GOLT1B: variants seen among roughly 807,000 people sequenced by gnomAD.
GOLT1B encodes the protein vesicle transport protein GOT1B.
A neutral mutation model predicts 15.4 loss-of-function variants in GOLT1B; 3 were observed. That is an observed-to-expected ratio of 0.19 (90% CI 0.09 to 0.50). The LOEUF (loss-of-function observed/expected upper bound fraction) is 0.50. Ranked by LOEUF, GOLT1B falls within the 20% of genes least tolerant of loss-of-function variation. The pLI, the probability that GOLT1B is intolerant of heterozygous loss-of-function variation, is 0.97. For missense variants in GOLT1B, 145 were observed against 160.4 expected (o/e 0.90, Z 0.52); for synonymous variants, 65 against 56.2 (o/e 1.16, Z -0.70).
At position 21,516,814 on chromosome 12, in the gene GOLT1B, C is replaced by T. The variant is rs1298649622; in HGVS notation, c.*1107C>T. The T allele has an allele frequency of 1.3e-5, 2 of 151,988 alleles. No individual in the cohort carries two copies. The highest frequency in any genetic ancestry group is 4.8e-5 in the African/African-American group (2 of 41,400). The allele number at this position is 151,988 out of a possible 1,614,324, so 9.4% of individuals were successfully genotyped here. A position where few individuals can be genotyped will look rare whatever the true frequency, so the allele number is the denominator to read the frequency against. On this transcript the variant is annotated 3_prime_UTR_variant, in exon 5 of 5. Coordinates refer to ENST00000229314, the MANE Select transcript of GOLT1B (RefSeq NM_016072.5). ...AAGCATGACATATCCTTCATATGAT[C>T]ACTCATCTTGAGTTAATTAGAAAAT...
At position 21,512,215 on chromosome 12, in the gene GOLT1B, C is replaced by CT; in HGVS notation, c.297-77dup. 3.9e-6 allele frequency: 3 copies of CT among 770,362 alleles called. No individual in the cohort carries two copies. In the South Asian group the frequency reaches 4.6e-5, roughly 12 times the overall value. 47.7% of individuals were successfully genotyped at this position (770,362 alleles called of 1,614,324 possible). ...AATTATTCAGAATTTTAACAGGATACTTTCTTTTTCCTTGGTTAGCAATTA... is the reference window on the plus strand; with the variant it reads ...AATTATTCAGAATTTTAACAGGATACTTTTCTTTTTCCTTGGTTAGCAATTA... On this transcript the variant is annotated intron_variant, in intron 3 of 4. Transcript: ENST00000229314.
intron 4 of GOLT1B, among the ~76,000 whole-genome samples, chr12:21,513,927 C>T (rs539243171): frequency 6.6e-6 from 1 of 152,142 alleles, no homozygotes; most frequent in Admixed American, 6.5e-5. Flanking sequence ...TAATATCTGC[C>T]GTATAATGGA....
At chr12:21,502,837 A>G (rs1043190452) in intron 1 of GOLT1B, among the ~76,000 whole-genome samples, 8 of 152,112 alleles carry the variant, frequency 5.3e-5, no homozygotes, top group Admixed American at 4.6e-4. Flanking sequence ...ACTTTGCTTT[A>G]TCTGCCACGC....
At chr12:21,514,152 T>C (rs1208264248) in intron 4 of GOLT1B, among the ~76,000 whole-genome samples, 1 of 152,208 alleles carries the variant, frequency 6.6e-6, no homozygotes, top group Non-Finnish European at 1.5e-5. Context: ...GTCAGACCCA[T>C]ATCAGAAGTA....
chr12:21,513,880 G>A (rs1482225918), intron 4 of GOLT1B, among the ~76,000 whole-genome samples: 1 of 152,232 alleles, frequency 6.6e-6, no homozygotes, highest in Non-Finnish European at 1.5e-5. Context: ...GAGACAGGTT[G>A]TATTTTAGTC....
chr12:21,503,909 A>G (rs1183067684), intron 1 of GOLT1B, among the ~76,000 whole-genome samples: 1 of 152,188 alleles, frequency 6.6e-6, no homozygotes, highest in African/African-American at 2.4e-5. Context: ...GGGGCGGAGG[A>G]GGGGCATGCT....
chr12:21,503,076 T>C (rs1316805403), intron 1 of GOLT1B, among the ~76,000 whole-genome samples: 2 of 152,232 alleles, frequency 1.3e-5, no homozygotes, highest in Non-Finnish European at 2.9e-5. Context: ...GGGCTGCCTC[T>C]TGGGGCCACC....
At chr12:21,502,687 T>C (rs551272120) in intron 1 of GOLT1B, among the ~76,000 whole-genome samples, 37 of 152,294 alleles carry the variant, frequency 2.4e-4, no homozygotes, top group Admixed American at 7.8e-4. Flanking sequence ...AAAGCTAGCA[T>C]TGATATCGGT....
rs1943762324 is a variant in GOLT1B, at chr12:21,517,179, T to G, written c.*1472T>G. ...GATTACAGCTTATTTTATTTTTAGT[T>G]AAATCTCTTAATACACAGAGAACTC... is the stretch of plus-strand genomic sequence containing the variant. On this transcript the variant is annotated 3_prime_UTR_variant, in exon 5 of 5. Transcript: ENST00000229314. 6.6e-6 allele frequency: 1 copy of G among 152,484 alleles called. No individual in the cohort carries two copies. The highest frequency in any genetic ancestry group is 1.5e-5 in the Non-Finnish European group (1 of 67,892). The allele number at this position is 152,484 out of a possible 1,614,324, so 9.4% of individuals were successfully genotyped here.
At position 21,508,533 on chromosome 12, in the gene GOLT1B, G is replaced by A. The variant is rs1943695386; in HGVS notation, c.268G>A (p.Glu90Lys). The A allele has an allele frequency of 6.3e-7, 1 of 1,577,878 alleles. No homozygotes were observed. The highest frequency in any genetic ancestry group is 1.1e-5 in the South Asian group (1 of 88,998). The change falls in exon 3 of 5, where the codon GAA becomes AAA. Residue 90 changes from glutamate (E) to lysine (K), a missense_variant. Coordinates refer to ENST00000229314, the MANE Select transcript of GOLT1B (RefSeq NM_016072.5). ...TTGGCCTTTGATAGGCATGATCTTC[G>A]AAATTTATGGATTTTTTCTCTTGTT... is the stretch of plus-strand genomic sequence containing the variant. The part of the protein sequence containing the change: ...IGWPLIGMIF[E>K]IYGFFLLFRG...
intron 4 of GOLT1B, among the ~76,000 whole-genome samples, chr12:21,512,652 G>A (rs1943728266): frequency 1.3e-5 from 2 of 152,232 alleles, no homozygotes; most frequent in Admixed American, 6.5e-5. Flanking sequence ...CTCTTTGAGA[G>A]TTCAGGGCAT....
At chr12:21,510,614 C>G (rs1943712672) in intron 3 of GOLT1B, among the ~76,000 whole-genome samples, 1 of 152,012 alleles carries the variant, frequency 6.6e-6, no homozygotes, top group Non-Finnish European at 1.5e-5. Context: ...ATATTTATAA[C>G]CCTAAATAAT....
intron 4 of GOLT1B, among the ~76,000 whole-genome samples, chr12:21,514,131 T>C (rs1478274431): frequency 6.6e-6 from 1 of 151,916 alleles, no homozygotes; most frequent in Non-Finnish European, 1.5e-5. Flanking sequence ...CTACAATCCT[T>C]TTGGCTCTAG....
intron 4 of GOLT1B, among the ~76,000 whole-genome samples, chr12:21,512,926 G>T (rs1943730192): frequency 6.6e-6 from 1 of 151,962 alleles, no homozygotes; most frequent in Admixed American, 6.6e-5. Flanking sequence ...AAATTAGCTG[G>T]GTGTGATGGT....
At chr12:21,509,764 C>T (rs138636085) in intron 3 of GOLT1B, among the ~76,000 whole-genome samples, 9 of 152,092 alleles carry the variant, frequency 5.9e-5, no homozygotes, top group African/African-American at 1.9e-4. Context: ...AGAAAGGGAA[C>T]GACAGTTAAC....
Position 21,517,528 on chromosome 12 carries a change from A to G in GOLT1B, c.*1821A>G, listed in dbSNP as rs1180989379. On this transcript the variant is annotated 3_prime_UTR_variant, in exon 5 of 5. Coordinates refer to ENST00000229314, the MANE Select transcript of GOLT1B (RefSeq NM_016072.5). ...TTATTTACAATGTCTTGATAATTCT[A>G]CCTTTTTAGAGCAAGAATAGTATCT... 1 of 152,092 alleles carries G rather than the reference A, an allele frequency of 6.6e-6. No homozygotes were observed. Among genetic ancestry groups the G allele is most frequent in the East Asian group, 1.9e-4 (1 of 5,200 alleles). 9.4% of individuals were successfully genotyped at this position (152,092 alleles called of 1,614,324 possible). A position where few individuals can be genotyped will look rare whatever the true frequency, so the allele number is the denominator to read the frequency against.
chr12:21,514,981 A>G (rs1466528932), intron 4 of GOLT1B, among the ~76,000 whole-genome samples: 3 of 132,250 alleles, frequency 2.3e-5, no homozygotes, highest in African/African-American at 8.6e-5. Context: ...TTACATCACC[A>G]TCTGGAATGT....
Position 21,517,159 on chromosome 12 carries a change from C to T in GOLT1B, c.*1452C>T, listed in dbSNP as rs1210223121. 1 of 152,314 alleles carries T rather than the reference C, an allele frequency of 6.6e-6. No homozygotes were observed. The highest frequency in any genetic ancestry group is 1.9e-4 in the East Asian group (1 of 5,190). 9.4% of individuals were successfully genotyped at this position (152,314 alleles called of 1,614,324 possible). A position where few individuals can be genotyped will look rare whatever the true frequency, so the allele number is the denominator to read the frequency against. The stretch of plus-strand genomic sequence containing the variant: ...CAAACATGTCTACAAAAATAGATTA[C>T]AGCTTATTTTATTTTTAGTTAAATC... On this transcript the variant is annotated 3_prime_UTR_variant, in exon 5 of 5. Coordinates refer to ENST00000229314, the MANE Select transcript of GOLT1B (RefSeq NM_016072.5).
At position 21,516,980 on chromosome 12, in the gene GOLT1B, A is replaced by G. The variant is rs1434186157; in HGVS notation, c.*1273A>G. On this transcript the variant is annotated 3_prime_UTR_variant, in exon 5 of 5. Coordinates refer to ENST00000229314, the MANE Select transcript of GOLT1B (RefSeq NM_016072.5). ...GGAAATAGCTGTTTTCTTTAGTTTT[A>G]CAAGATGTGACAGCTTTAGTGGTAG... 2 of 152,458 alleles carry G rather than the reference A, an allele frequency of 1.3e-5. No homozygotes were observed. Among genetic ancestry groups the G allele is most frequent in the Admixed American group, 1.3e-4 (2 of 15,268 alleles). 9.4% of individuals were successfully genotyped at this position (152,458 alleles called of 1,614,324 possible).
Sources: allele counts gnomAD v4.1 joint callset (sites outside exome capture counted in the v4.1 genomes callset), GRCh38; gene constraint gnomAD v4.1.1; transcripts MANE v1.5; gene names NCBI Gene and HGNC (gene_info 2026-07-23, HGNC 2026-07-21).